Variants in DNAJC11 observed in about 807,000 individuals in gnomAD.
DNAJC11 encodes DnaJ heat shock protein family (Hsp40) member C11, also known as dnaJ homolog subfamily C member 11.
In DNAJC11, 15 loss-of-function variants were observed where a neutral mutation model predicts 78.6. That is an observed-to-expected ratio of 0.19 (90% confidence interval 0.13 to 0.29). The LOEUF is 0.29. DNAJC11 is among the 10% of genes least tolerant of loss of function. DNAJC11 has a pLI of 1.00. For synonymous variants in DNAJC11, 292 were observed against 272.1 expected (o/e 1.07, Z -0.72); for missense variants, 547 against 709.6 (o/e 0.77, Z 2.60).
At position 6,639,956 on chromosome 1, in the gene DNAJC11, T is replaced by G. The variant is rs770225157; in HGVS notation, c.1199A>C (p.Tyr400Ser). Residue 400 changes from tyrosine to serine, a missense_variant, in exon 11 of 16, where the codon TAC (tyrosine) becomes TCC (serine). Tyr to Ser is a moderately radical substitution (Grantham distance 144). Transcript: ENST00000377577. ...FYATVGPLVV[Y>S]FAMHRLIIKP... ...GATGATCAGACGGTGCATGGCAAAG[T>G]AGACCACTAGAGGCCCCACGGTGGC... 6.2e-7 allele frequency: 1 copy of G among 1,611,744 alleles called. No individual in the cohort carries two copies. Among genetic ancestry groups the G allele is most frequent in the East Asian group, 2.2e-5 (1 of 44,776 alleles).
chr1:6,674,132 ATGTGGATATCT>A (rs1291234020), intron 3 of DNAJC11, among the ~76,000 whole-genome samples: 2 of 152,222 alleles, frequency 1.3e-5, no homozygotes, highest in East Asian at 3.8e-4. Flanking sequence ...TTCATTTTCA[ATGTGGATATCT>A]GCACAAACAT....
At chr1:6,661,606 T>C (rs1384616189) in intron 4 of DNAJC11, among the ~76,000 whole-genome samples, 1 of 152,186 alleles carries the variant, frequency 6.6e-6, no homozygotes, top group African/African-American at 2.4e-5. Flanking sequence ...CTTTTCTCCT[T>C]ACAAGACAAC....
chr1:6,659,530 C>T (rs1468875321), intron 4 of DNAJC11, among the ~76,000 whole-genome samples: 4 of 152,080 alleles, frequency 2.6e-5, no homozygotes, highest in South Asian at 4.1e-4. Flanking sequence ...GAGGCCGCGG[C>T]GGGTGGATCA....
intron 4 of DNAJC11, among the ~76,000 whole-genome samples, chr1:6,661,041 G>C (rs1642203408): frequency 6.6e-6 from 1 of 152,176 alleles, no homozygotes; most frequent in African/African-American, 2.4e-5. Flanking sequence ...GACAAATAGA[G>C]ACTGCACACG....
intron 1 of DNAJC11, among the ~76,000 whole-genome samples, chr1:6,682,163 C>CAAAAAAAAAAAAAAAA: frequency 1.1e-5 from 1 of 94,074 alleles, no homozygotes; most frequent in Non-Finnish European, 1.9e-5. Context: ...ACCATAATTA[C>CAAAAAAAAAAAAAAAA]AAAAAAAAAA....
At chr1:6,698,853 G>T (rs909513179) in intron 1 of DNAJC11, among the ~76,000 whole-genome samples, 2 of 150,496 alleles carry the variant, frequency 1.3e-5, no homozygotes, top group Non-Finnish European at 3.0e-5. Flanking sequence ...GAGGTGGGAG[G>T]ATCACCTGAG....
At chr1:6,640,786 C>T (rs1372101484) in intron 10 of DNAJC11, among the ~76,000 whole-genome samples, 1 of 152,094 alleles carries the variant, frequency 6.6e-6, no homozygotes, top group Non-Finnish European at 1.5e-5. Flanking sequence ...CACAGCACTC[C>T]AGCCTGGTCA....
chr1:6,650,599 C>A (rs186786530), intron 7 of DNAJC11, among the ~76,000 whole-genome samples: 1 of 152,030 alleles, frequency 6.6e-6, no homozygotes, highest in Admixed American at 6.6e-5. Flanking sequence ...ATAGGCCAGG[C>A]GTGGTGGCTC....
intron 3 of DNAJC11, among the ~76,000 whole-genome samples, chr1:6,673,089 G>GGGA (rs1642405868): frequency 2.0e-5 from 3 of 151,222 alleles, no homozygotes; most frequent in African/African-American, 7.3e-5. Context: ...CCAGCTACTC[G>GGGA]GGAGGCTGAG....
chr1:6,688,884 CA>C (rs1000731697), intron 1 of DNAJC11, among the ~76,000 whole-genome samples: 16 of 152,190 alleles, frequency 1.1e-4, no homozygotes, highest in Middle Eastern at 3.2e-3. Context: ...ATGTATTCAG[CA>C]AACATTTGTT....
At chr1:6,649,867 C>G (rs1461361590) in intron 7 of DNAJC11, among the ~76,000 whole-genome samples, 1 of 151,992 alleles carries the variant, frequency 6.6e-6, no homozygotes. Context: ...GCCACCATGC[C>G]TGGTTAATTT....
intron 11 of DNAJC11, among the ~76,000 whole-genome samples, chr1:6,639,328 CTTTT>C (rs869051941): frequency 7.3e-6 from 1 of 136,810 alleles, no homozygotes. Context: ...AGGATCAACA[CTTTT>C]TTTTTTTTTT....
At chr1:6,668,389 T>C (rs2148741449) in intron 3 of DNAJC11, among the ~76,000 whole-genome samples, 1 of 152,260 alleles carries the variant, frequency 6.6e-6, no homozygotes, top group Admixed American at 6.5e-5. Context: ...TCCACCCACC[T>C]CGGCCTCCGG....
At chr1:6,657,710 T>G (rs1642150097) in intron 4 of DNAJC11, among the ~76,000 whole-genome samples, 1 of 152,240 alleles carries the variant, frequency 6.6e-6, no homozygotes, top group Admixed American at 6.5e-5. Flanking sequence ...AGTGGCACGA[T>G]CTCGGCTCGC....
Position 6,665,386 on chromosome 1 carries a change from G to C in DNAJC11, c.378+2323C>G, listed in dbSNP as rs185016723. Among the ~76,000 whole-genome samples, 40 of 152,188 alleles carry C rather than the reference G, an allele frequency of 2.6e-4. 1 individual carries two copies. The highest frequency in any genetic ancestry group is 9.6e-4 in the African/African-American group (40 of 41,514). ...GCCCATCCTCCATGGTCTCCTTAAA[G>C]CAGAGATCACCCCTTTCTTCTCAGG... On this transcript the variant is annotated intron_variant, in intron 4 of 15. Coordinates refer to ENST00000377577, the MANE Select transcript of DNAJC11 (RefSeq NM_018198.4).
At chr1:6,678,595 C>G in intron 2 of DNAJC11, 128 bp from the exon 3 acceptor site, 1 of 731,798 alleles carries the variant, frequency 1.4e-6, no homozygotes, top group Non-Finnish European at 2.2e-6. Context: ...TCCTAGAGAC[C>G]CCTTTCATTT....
At position 6,653,960 on chromosome 1, in the gene DNAJC11, C is replaced by T; in HGVS notation, c.458G>A (p.Ser153Asn). Reference sequence around the variant, plus strand: ...TTTATTAATTTCAATCTGCGGAAAGCTACTGCCGGACACATCTTCATACTC... The same window carrying T: ...TTTATTAATTTCAATCTGCGGAAAGTTACTGCCGGACACATCTTCATACTC... The part of the protein sequence containing the change: ...DEEYEDVSGS[S>N]FPQIEINKMH... The change falls in exon 5 of 16, where the codon AGC (serine) becomes AAC (asparagine). Residue 153 changes from serine (S) to asparagine (N), a missense_variant. Ser to Asn is a conservative substitution (Grantham distance 46, BLOSUM62 1). Transcript: ENST00000377577. This position sits in a 1 kb window ranked among gnomAD's most constrained non-coding sequence, Gnocchi z 4.5. 1.2e-6 allele frequency: 2 copies of T among 1,613,580 alleles called. No individual in the cohort carries two copies. Among genetic ancestry groups the T allele is most frequent in the Non-Finnish European group, 1.7e-6 (2 of 1,179,596 alleles).
At chr1:6,650,876 A>AAAAT (rs1397707406) in intron 7 of DNAJC11, 7 of 318,582 alleles carry the variant, frequency 2.2e-5, no homozygotes, top group South Asian at 1.7e-4. Context: ...CCCTGTCTCC[A>AAAAT]AAATAAATAA....
intron 7 of DNAJC11, among the ~76,000 whole-genome samples, chr1:6,650,279 C>A (rs1642034767): frequency 6.6e-6 from 1 of 150,456 alleles, no homozygotes; most frequent in South Asian, 2.1e-4. Context: ...AAAACATATA[C>A]TCCAGGCTTG....
Sources: gnomAD v4.1 joint callset for allele counts (sites outside exome capture counted in the v4.1 genomes callset) on GRCh38, gnomAD v4.1.1 for gene constraint, Gnocchi (gnomAD v3.1) non-coding constraint, MANE v1.5 for transcripts, NCBI Gene and HGNC (gene_info 2026-07-23, HGNC 2026-07-21) for gene names.